The following GSK3B variants were observed in gnomAD, a reference collection of about 807,000 sequenced individuals.
GSK3B encodes the protein glycogen synthase kinase-3 beta.
GSK3B carries 15 observed loss-of-function variants against 56.4 expected under a neutral mutation model. The observed-to-expected ratio is 0.27, with a 90% CI of 0.18 to 0.41. The LOEUF is 0.41. Ranked by LOEUF, GSK3B falls within the 10% of genes least tolerant of loss-of-function variation. The pLI is 1.00. For missense variants in GSK3B, 300 were observed against 513.4 expected (o/e 0.58, Z 4.02); for synonymous variants, 181 against 188.9 (o/e 0.96, Z 0.34).
rs961671311 is a variant in GSK3B, at chr3:119,999,533, T to C, written c.282+2513A>G. 1.4e-4 allele frequency among the ~76,000 whole-genome samples: 21 copies of C among 152,362 alleles called. 1 individual carries two copies. The East Asian group carries it at 3.9e-3, about 28-fold the overall frequency. On this transcript the variant is annotated intron_variant, in intron 2 of 10. Coordinates refer to ENST00000264235, the MANE Select transcript of GSK3B (RefSeq NM_001146156.2). ...TACATATAGTAAGTATCTGCTATCATCATTAACTACCAATCCCAAAAAATG... is the reference window on the plus strand; with the variant it reads ...TACATATAGTAAGTATCTGCTATCACCATTAACTACCAATCCCAAAAAATG...
chr3:119,985,077 C>T (rs932560486), intron 2 of GSK3B, among the ~76,000 whole-genome samples: 2 of 152,104 alleles, frequency 1.3e-5, no homozygotes, highest in Admixed American at 1.3e-4. Flanking sequence ...TAAACAGAAC[C>T]AAAGACAAAA....
chr3:119,865,410 A>G (rs1177581019), intron 8 of GSK3B, among the ~76,000 whole-genome samples: 2 of 142,326 alleles, frequency 1.4e-5, no homozygotes, highest in East Asian at 4.0e-4. Flanking sequence ...AGCTATTAAT[A>G]AACCAGTATT....
intron 7 of GSK3B, among the ~76,000 whole-genome samples, chr3:119,893,028 GAC>G (rs1346881281): frequency 2.0e-5 from 3 of 152,016 alleles, no homozygotes; most frequent in Non-Finnish European, 4.4e-5. Context: ...TATTTTTTGA[GAC>G]AGAGTCTTGC....
At chr3:119,923,262 G>A (rs769240432) in intron 4 of GSK3B, 111 bp downstream of exon 4, 2 of 524,688 alleles carry the variant, frequency 3.8e-6, no homozygotes, top group East Asian at 6.1e-5. Flanking sequence ...CTACTTTACA[G>A]TTTTTCTCCC....
intron 1 of GSK3B, among the ~76,000 whole-genome samples, chr3:120,035,499 T>G (rs547777413): frequency 6.6e-6 from 1 of 152,232 alleles, no homozygotes; most frequent in Non-Finnish European, 1.5e-5. Context: ...CAAAGGGCAA[T>G]TGGAACTTTG....
intron 1 of GSK3B, among the ~76,000 whole-genome samples, chr3:120,044,207 C>A (rs1363752521): frequency 6.6e-6 from 1 of 152,194 alleles, no homozygotes; most frequent in Admixed American, 6.5e-5. Flanking sequence ...TGGGTCAGCC[C>A]CCAAGGGCCA....
At chr3:119,865,435 G>A (rs1224744350) in intron 8 of GSK3B, among the ~76,000 whole-genome samples, 1 of 28,638 alleles carries the variant, frequency 3.5e-5, no homozygotes, top group African/African-American at 1.0e-4. Context: ...GCTTATTTCC[G>A]ATATATATAT....
chr3:120,017,321 T>C (rs2057835594), intron 1 of GSK3B, among the ~76,000 whole-genome samples: 1 of 152,114 alleles, frequency 6.6e-6, no homozygotes, highest in South Asian at 2.1e-4. Context: ...AGCCAGAAAA[T>C]AGATCTCAAA....
chr3:119,870,444 CT>C (rs1458710122), intron 8 of GSK3B, among the ~76,000 whole-genome samples: 3 of 152,170 alleles, frequency 2.0e-5, no homozygotes, highest in Non-Finnish European at 4.4e-5. Flanking sequence ...ATTTTGTCTT[CT>C]TTTCAAATCC....
intron 9 of GSK3B, among the ~76,000 whole-genome samples, chr3:119,859,076 A>G (rs1237305869): frequency 1.3e-5 from 2 of 152,182 alleles, no homozygotes; most frequent in Non-Finnish European, 1.5e-5. Flanking sequence ...GCACAGAGAC[A>G]CAAAATAAAC....
chr3:120,045,774 G>C (rs1295483462), intron 1 of GSK3B, among the ~76,000 whole-genome samples: 1 of 152,150 alleles, frequency 6.6e-6, no homozygotes, highest in Non-Finnish European at 1.5e-5. Context: ...ACAAAAAAGT[G>C]AACACAAATG....
intron 1 of GSK3B, among the ~76,000 whole-genome samples, chr3:120,017,597 T>TA (rs754177969): frequency 1.3e-4 from 20 of 152,292 alleles, no homozygotes; most frequent in Admixed American, 1.0e-3. Flanking sequence ...TTAATCACTT[T>TA]AAAGTGGAGG....
intron 10 of GSK3B, among the ~76,000 whole-genome samples, chr3:119,840,769 TA>T (rs1163542110): frequency 2.6e-5 from 4 of 151,928 alleles, no homozygotes; most frequent in Non-Finnish European, 4.4e-5. Context: ...AGGGGAACTT[TA>T]AAAAAAAGTA....
At chr3:120,010,843 G>A (rs1477853418) in intron 1 of GSK3B, among the ~76,000 whole-genome samples, 3 of 152,174 alleles carry the variant, frequency 2.0e-5, no homozygotes, top group Admixed American at 6.5e-5. Flanking sequence ...CAAGGTGGGC[G>A]GATCACTCAA....
chr3:119,910,980 C>A (rs1239148779), intron 6 of GSK3B, among the ~76,000 whole-genome samples: 1 of 152,204 alleles, frequency 6.6e-6, no homozygotes, highest in Non-Finnish European at 1.5e-5. Flanking sequence ...GCTAGTTCCA[C>A]AACATCTGCA....
intron 7 of GSK3B, among the ~76,000 whole-genome samples, chr3:119,899,447 A>G (rs1559828452): frequency 1.3e-5 from 2 of 152,082 alleles, no homozygotes; most frequent in Non-Finnish European, 2.9e-5. Context: ...AATGAATGTA[A>G]AGTGCTTAAC....
intron 2 of GSK3B, among the ~76,000 whole-genome samples, chr3:119,965,999 T>C (rs541958057): frequency 4.6e-5 from 7 of 152,350 alleles, no homozygotes; most frequent in South Asian, 4.1e-4. Flanking sequence ...TACAGGAAGA[T>C]AGTCTATCAT....
At chr3:119,972,150 A>G (rs960326646) in intron 2 of GSK3B, among the ~76,000 whole-genome samples, 1 of 152,168 alleles carries the variant, frequency 6.6e-6, no homozygotes, top group African/African-American at 2.4e-5. Context: ...GTCTATATAG[A>G]TAGCTGTTAT....
At chr3:120,075,876 A>G (rs1320878385) in intron 1 of GSK3B, among the ~76,000 whole-genome samples, 1 of 152,176 alleles carries the variant, frequency 6.6e-6, no homozygotes, top group Non-Finnish European at 1.5e-5. Context: ...AGAAAAAGCA[A>G]TCCTAAAATT....
Sources: gnomAD v4.1 joint callset for allele counts (sites outside exome capture counted in the v4.1 genomes callset) on GRCh38, gnomAD v4.1.1 for gene constraint, MANE v1.5 for transcripts, NCBI Gene and HGNC (gene_info 2026-07-23, HGNC 2026-07-21) for gene names.